The following CPD variants were observed in gnomAD, a reference collection of about 807,000 sequenced individuals.
CPD encodes the protein metallocarboxypeptidase D.
Under a neutral mutation model 138.3 loss-of-function variants are expected in CPD, and 69 were observed. The ratio of observed to expected loss-of-function variants is 0.50; its 90% CI spans 0.41 to 0.61. The LOEUF (loss-of-function observed/expected upper bound fraction) is 0.61, where lower values mean the gene tolerates loss of function less well. CPD is among the 20% of genes least tolerant of loss of function. The probability of loss-of-function intolerance (pLI) is 0.00; values close to 1 mark genes in which losing one functional copy is unlikely to be tolerated. For missense variants in CPD, 1,432 were observed against 1,733.3 expected (o/e 0.83, Z 3.09); for synonymous variants, 651 against 642.1 (o/e 1.01, Z -0.21).
chr17:30,383,419 AT>A (rs1911102991), intron 1 of CPD, among the ~76,000 whole-genome samples: 1 of 152,204 alleles, frequency 6.6e-6, no homozygotes, highest in Non-Finnish European at 1.5e-5. Flanking sequence ...ATTATGTTAT[AT>A]TACTGGTGAG....
intron 8 of CPD, among the ~76,000 whole-genome samples, chr17:30,435,933 G>A (rs984742640): frequency 1.3e-5 from 2 of 151,992 alleles, no homozygotes; most frequent in Non-Finnish European, 2.9e-5. Flanking sequence ...TCATCACACG[G>A]CATTCTCCCT....
chr17:30,447,332 C>T (rs1474285148), intron 12 of CPD, among the ~76,000 whole-genome samples: 1 of 152,058 alleles, frequency 6.6e-6, no homozygotes, highest in Non-Finnish European at 1.5e-5. Flanking sequence ...GTCTTTAATC[C>T]ATCGTGAATT....
chr17:30,389,616 G>A (rs998163268), intron 2 of CPD, among the ~76,000 whole-genome samples: 2 of 152,098 alleles, frequency 1.3e-5, no homozygotes, highest in African/African-American at 2.4e-5. Flanking sequence ...AATTGAGGAA[G>A]GTAAATGTAT....
intron 8 of CPD, among the ~76,000 whole-genome samples, chr17:30,438,184 G>T (rs1269524821): frequency 6.6e-6 from 1 of 151,728 alleles, no homozygotes; most frequent in East Asian, 1.9e-4. Context: ...GTAGAAAAAT[G>T]GGAAATTATT....
chr17:30,463,912 T>G (rs1471970212), intron 20 of CPD, among the ~76,000 whole-genome samples: 2 of 152,236 alleles, frequency 1.3e-5, no homozygotes, highest in African/African-American at 4.8e-5. Flanking sequence ...ACTTTTAGTT[T>G]CTAACACTTT....
At chr17:30,387,510 A>G (rs534211060) in intron 2 of CPD, among the ~76,000 whole-genome samples, 1 of 152,344 alleles carries the variant, frequency 6.6e-6, no homozygotes, top group South Asian at 2.1e-4. Context: ...TATGCTTTGA[A>G]TAATAACGTT....
At position 30,427,380 on chromosome 17, in the gene CPD, A is replaced by G. The variant is rs1172945119; in HGVS notation, c.1850-11A>G. The G allele has an allele frequency of 3.7e-6, 6 of 1,612,794 alleles. No individual in the cohort carries two copies. Among genetic ancestry groups the G allele is most frequent in the Non-Finnish European group, 5.1e-6 (6 of 1,178,794 alleles). Reference sequence around the variant, plus strand: ...ATGGCTTATATTCAAATCCTTTATCATATCATACAGGAGATTCAATAAGTG... The same window carrying G: ...ATGGCTTATATTCAAATCCTTTATCGTATCATACAGGAGATTCAATAAGTG... On this transcript the variant is annotated splice_polypyrimidine_tract_variant and intron_variant, in intron 6 of 20. Transcript: ENST00000225719.
At chr17:30,421,020 C>T in intron 3 of CPD, 37 bp downstream of exon 3, 1 of 1,601,292 alleles carries the variant, frequency 6.2e-7, no homozygotes, top group Non-Finnish European at 8.5e-7. Flanking sequence ...GGTATAGAAA[C>T]AGGATTAAAT....
Position 30,423,028 on chromosome 17 carries a change from T to C in CPD, c.1657+5T>C. On this transcript the variant is annotated splice_donor_5th_base_variant and intron_variant, in intron 5 of 20. Transcript: ENST00000225719. Reference sequence around the variant, plus strand: ...ATCCGGGTGTCCATGAACCAGGTAATTGGTATGGTCTTACACATAATTTCA... The same window carrying C: ...ATCCGGGTGTCCATGAACCAGGTAACTGGTATGGTCTTACACATAATTTCA... 2.5e-6 allele frequency: 4 copies of C among 1,594,960 alleles called. No homozygotes were observed. Among genetic ancestry groups the C allele is most frequent in the Non-Finnish European group, 3.4e-6 (4 of 1,166,404 alleles).
intron 1 of CPD, among the ~76,000 whole-genome samples, chr17:30,381,540 A>G (rs963987046): frequency 3.9e-5 from 6 of 152,214 alleles, no homozygotes; most frequent in Admixed American, 3.3e-4. Context: ...GTAGGTGATC[A>G]TATATGGTAA....
At chr17:30,438,000 CTTTTTTT>C (rs963626144) in intron 8 of CPD, among the ~76,000 whole-genome samples, 3 of 89,428 alleles carry the variant, frequency 3.4e-5, no homozygotes, top group East Asian at 3.2e-4. Flanking sequence ...CCATGTGTGG[CTTTTTTT>C]TTTTTTTTTT....
At chr17:30,459,298 A>T (rs889670070) in intron 17 of CPD, among the ~76,000 whole-genome samples, 5 of 151,594 alleles carry the variant, frequency 3.3e-5, no homozygotes, top group African/African-American at 1.2e-4. Flanking sequence ...TTACATATGT[A>T]TACATGTGCC....
At position 30,420,936 on chromosome 17, in the gene CPD, C is replaced by A; in HGVS notation, c.1090C>A (p.Gln364Lys). ...GTACCCACCTGCTTCACAGCTTCGA[C>A]AGGAATGGGAGAACAATCGTGAGTC... ...CKYPPASQLR[Q>K]EWENNRESLI... Residue 364 changes from glutamine (Q) to lysine (K), a missense_variant, in exon 3 of 21, where the codon CAG (glutamine) becomes AAG (lysine). Physicochemically the swap from Gln to Lys is moderately conservative, Grantham distance 53. Around this residue, in one of 6 missense-constraint regions of CPD, gnomAD observed 160 missense variants for 197.9 expected, o/e 0.81. Transcript: ENST00000225719. The A allele has an allele frequency of 6.2e-7, 1 of 1,613,784 alleles. No homozygotes were observed. The highest frequency in any genetic ancestry group is 8.5e-7 in the Non-Finnish European group (1 of 1,179,808).
At chr17:30,445,094 C>T (rs1912991343) in intron 11 of CPD, among the ~76,000 whole-genome samples, 3 of 152,136 alleles carry the variant, frequency 2.0e-5, no homozygotes, top group African/African-American at 7.2e-5. Context: ...TGATAGAAGA[C>T]AAGTGAATTT....
Position 30,420,909 on chromosome 17 carries a change from A to G in CPD, c.1063A>G (p.Lys355Glu). ...FEITLELSCC[K>E]YPPASQLRQE... ...GATCACATTAGAACTGTCTTGTTGC[A>G]AGTACCCACCTGCTTCACAGCTTCG... Residue 355 changes from lysine (K) to glutamate (E), a missense_variant, in exon 3 of 21, where the codon AAG (lysine) becomes GAG (glutamate). This residue lies in a region of CPD where 160 missense variants were observed against 197.9 expected (regional missense o/e 0.81). Transcript: ENST00000225719. 6.2e-7 allele frequency: 1 copy of G among 1,613,768 alleles called. No homozygotes were observed. Among genetic ancestry groups the G allele is most frequent in the Admixed American group, 1.7e-5 (1 of 60,020 alleles).
Position 30,468,741 on chromosome 17 carries a change from G to A in CPD, c.*3927G>A, listed in dbSNP as rs1913710009. On this transcript the variant is annotated 3_prime_UTR_variant, in exon 21 of 21. Coordinates refer to ENST00000225719, the MANE Select transcript of CPD (RefSeq NM_001304.5). ...TTTCAGATGCAATATGCCGGAAAAAGTTATAGGTCCAGTTTGAAAATTATT... is the reference window on the plus strand; with the variant it reads ...TTTCAGATGCAATATGCCGGAAAAAATTATAGGTCCAGTTTGAAAATTATT... The A allele has an allele frequency of 6.6e-6, 1 of 152,458 alleles. No homozygotes were observed. Among genetic ancestry groups the A allele is most frequent in the African/African-American group, 2.4e-5 (1 of 41,428 alleles). 9.4% of individuals were successfully genotyped at this position (152,458 alleles called of 1,614,324 possible). A position where few individuals can be genotyped will look rare whatever the true frequency, so the allele number is the denominator to read the frequency against.
chr17:30,423,626 A>C lies in CPD; in HGVS notation c.1778A>C (p.Asp593Ala). 1 of 1,612,768 alleles carries C rather than the reference A, an allele frequency of 6.2e-7. No individual in the cohort carries two copies. The highest frequency in any genetic ancestry group is 8.5e-7 in the Non-Finnish European group (1 of 1,179,464). ...KNFGTDPEVT[D>A]LVHNTRIHLM... is the part of the protein sequence containing the mutation. ...TTTGGAACAGACCCTGAAGTCACAG[A>C]TTTGGTTCATAACACTAGAATTCAC... Residue 593 changes from aspartate to alanine, a missense_variant, in exon 6 of 21, where the codon GAT becomes GCT. Asp to Ala is a moderately radical substitution (Grantham distance 126). Coordinates refer to ENST00000225719, the MANE Select transcript of CPD (RefSeq NM_001304.5).
chr17:30,446,749 A>C (rs1183242814), intron 12 of CPD, among the ~76,000 whole-genome samples: 4 of 152,328 alleles, frequency 2.6e-5, no homozygotes, highest in Admixed American at 2.6e-4. Context: ...AGGAATTGCA[A>C]CACTGACTTC....
intron 9 of CPD, 81 bp from the exon 10 acceptor site, chr17:30,442,218 TGGCTTTTTA>T: frequency 8.3e-7 from 1 of 1,198,806 alleles, no homozygotes; most frequent in South Asian, 1.5e-5. Context: ...GAGATAAATT[TGGCTTTTTA>T]CTAGGAATGT....
Sources: gnomAD v4.1 joint callset for allele counts (sites outside exome capture counted in the v4.1 genomes callset) on GRCh38, gnomAD v4.1.1 for gene constraint, gnomAD v4.1.1 regional missense constraint, MANE v1.5 for transcripts, NCBI Gene and HGNC (gene_info 2026-07-23, HGNC 2026-07-21) for gene names.